Variants in WNT7A observed in about 807,000 individuals in gnomAD.
WNT7A encodes Wnt family member 7A.
In WNT7A, 16 loss-of-function variants were observed where a neutral mutation model predicts 28.2. The ratio of observed to expected loss-of-function variants is 0.57; its 90% confidence interval spans 0.38 to 0.86. WNT7A has a LOEUF of 0.86. WNT7A is among the 40% of genes least tolerant of loss of function. The pLI, the probability that WNT7A is intolerant of heterozygous loss-of-function variation, is 0.00. For synonymous variants in WNT7A, 190 were observed against 195.9 expected (o/e 0.97, Z 0.25); for missense variants, 411 against 489.7 (o/e 0.84, Z 1.52).
intron 3 of WNT7A, among the ~76,000 whole-genome samples, chr3:13,841,175 G>A (rs202034201): frequency 2.6e-4 from 39 of 152,308 alleles, no homozygotes; most frequent in African/African-American, 7.9e-4. Flanking sequence ...AATCTCAGGC[G>A]TCAGTGAATG....
intron 3 of WNT7A, 54 bp downstream of exon 3, chr3:13,854,478 C>G: frequency 1.2e-6 from 2 of 1,612,066 alleles, no homozygotes; most frequent in South Asian, 2.2e-5. Flanking sequence ...TACAAACAAG[C>G]CATTTTGCAG....
At chr3:13,838,838 C>T (rs539389074) in intron 3 of WNT7A, among the ~76,000 whole-genome samples, 161 of 152,350 alleles carry the variant, frequency 1.1e-3, no homozygotes, top group African/African-American at 3.7e-3. Flanking sequence ...GGATTTAGAT[C>T]TGCATCCTCC....
chr3:13,857,082 G>C (rs1351030170), intron 2 of WNT7A, among the ~76,000 whole-genome samples: 2 of 152,118 alleles, frequency 1.3e-5, no homozygotes, highest in Non-Finnish European at 2.9e-5. Flanking sequence ...GGAGCCATGG[G>C]GCACAGGAAC....
At chr3:13,834,839 T>G (rs149092339) in intron 3 of WNT7A, among the ~76,000 whole-genome samples, 1 of 152,346 alleles carries the variant, frequency 6.6e-6, no homozygotes, top group East Asian at 1.9e-4. Context: ...TTAGTTGTGC[T>G]TATCATGTCT....
At chr3:13,842,220 T>G (rs1433435777) in intron 3 of WNT7A, among the ~76,000 whole-genome samples, 1 of 152,146 alleles carries the variant, frequency 6.6e-6, no homozygotes, top group African/African-American at 2.4e-5. Context: ...GTTAGTAGGC[T>G]GGTGTGTTCC....
chr3:13,854,818 G>A lies in WNT7A; in HGVS notation c.299-15C>T, dbSNP rs770164068. 3 of 1,610,988 alleles carry A rather than the reference G, an allele frequency of 1.9e-6. 1 individual carries two copies. Among genetic ancestry groups the A allele is most frequent in the South Asian group, 2.2e-5 (2 of 91,024 alleles). On this transcript the variant is annotated splice_polypyrimidine_tract_variant and intron_variant, in intron 2 of 3. Transcript: ENST00000285018. ...CTCCCGGCTCCCTGCGAGGAGGAGAGAAGAGGAGACAAGTTGGGGTCAGGT... is the reference window on the plus strand; with the variant it reads ...CTCCCGGCTCCCTGCGAGGAGGAGAAAAGAGGAGACAAGTTGGGGTCAGGT...
At chr3:13,835,637 G>A (rs924413683) in intron 3 of WNT7A, among the ~76,000 whole-genome samples, 3 of 152,224 alleles carry the variant, frequency 2.0e-5, no homozygotes, top group African/African-American at 7.2e-5. Flanking sequence ...CCCCAAAGAT[G>A]GTGGACTTCA....
At chr3:13,850,774 G>T (rs1694620751) in intron 3 of WNT7A, among the ~76,000 whole-genome samples, 1 of 152,072 alleles carries the variant, frequency 6.6e-6, no homozygotes, top group South Asian at 2.1e-4. Flanking sequence ...ATATTATCAT[G>T]GAGGCTCGGA....
intron 2 of WNT7A, among the ~76,000 whole-genome samples, chr3:13,868,692 GAAAGAA>G (rs1457779222): frequency 5.0e-5 from 1 of 20,100 alleles, no homozygotes; most frequent in African/African-American, 2.9e-4. Flanking sequence ...GAGAGAGAGA[GAAAGAA>G]AGAAAGAAAG....
intron 3 of WNT7A, among the ~76,000 whole-genome samples, chr3:13,841,029 G>A (rs1441755279): frequency 6.6e-6 from 1 of 152,130 alleles, no homozygotes; most frequent in Non-Finnish European, 1.5e-5. Context: ...TTCAAAAATG[G>A]TATATTATTT....
rs1349034380 is a variant in WNT7A at position 13,868,584 on chromosome 3, GAGAGAGGGAGAA to G, written c.298+6351_298+6362del. ...GGGGAGAGAGAGAGAGAGAGAGAGA[GAGAGAGGGAGAA>G]AGAAAGAAAGAAAGAGAGAGAGAGA... On this transcript the variant is annotated intron_variant, in intron 2 of 3. Transcript: ENST00000285018. 1.7e-4 allele frequency among the ~76,000 whole-genome samples: 3 copies of G among 17,962 alleles called. 1 individual carries two copies. Among genetic ancestry groups the G allele is most frequent in the African/African-American group, 9.4e-4 (3 of 3,192 alleles). The allele number at this position is 17,962 out of a possible 152,430, so 11.8% of individuals were successfully genotyped here. A position where few individuals can be genotyped will look rare whatever the true frequency, so the allele number is the denominator to read the frequency against.
In WNT7A at chr3:13,818,413, G is replaced by A. The variant is rs1575056931; in HGVS notation, c.*531C>T. The A allele has an allele frequency of 7.3e-6, 1 of 136,862 alleles. No homozygotes were observed. The highest frequency in any genetic ancestry group is 2.8e-5 in the African/African-American group (1 of 36,178). The allele number at this position is 136,862 out of a possible 1,614,324, so 8.5% of individuals were successfully genotyped here. On this transcript the variant is annotated 3_prime_UTR_variant, in exon 4 of 4. Coordinates refer to ENST00000285018, the MANE Select transcript of WNT7A (RefSeq NM_004625.4). ...ATATGCATAAAAGATGTCTCCTCTT[G>A]TACTTAAACATCTAGTGCTGCAAGG...
chr3:13,854,377 C>T (rs1164117860), intron 3 of WNT7A, among the ~76,000 whole-genome samples, 155 bp downstream of exon 3: 2 of 152,122 alleles, frequency 1.3e-5, no homozygotes, highest in Non-Finnish European at 2.9e-5. Flanking sequence ...TACACAAATC[C>T]TGACCAGCTA....
In WNT7A at chr3:13,819,460, A is replaced by G. The variant is rs79020924; in HGVS notation, c.571-37T>C. 0.2 allele frequency: 316,158 copies of G among 1,600,396 alleles called. 33,116 individuals are homozygous for G. The highest frequency in any genetic ancestry group is 0.26 in the Middle Eastern group (1,562 of 5,978). On this transcript the variant is annotated intron_variant, in intron 3 of 3. Coordinates refer to ENST00000285018, the MANE Select transcript of WNT7A (RefSeq NM_004625.4). The stretch of plus-strand genomic sequence containing the variant: ...GGCGGGGAAGAGCACAGCACAGGTC[A>G]CTGCACGCCAAGGCCAAGTGCAGCC...
At chr3:13,823,639 T>G (rs1469702844) in intron 3 of WNT7A, among the ~76,000 whole-genome samples, 1 of 152,258 alleles carries the variant, frequency 6.6e-6, no homozygotes, top group African/African-American at 2.4e-5. Flanking sequence ...ACCACTGGGT[T>G]GCAGGTTAAA....
intron 1 of WNT7A, chr3:13,876,953 T>G (rs1695119263): frequency 6.6e-6 from 1 of 152,236 alleles, no homozygotes; most frequent in Non-Finnish European, 1.5e-5. Context: ...GTCTGTGTTT[T>G]TAATTTGCAT....
chr3:13,866,558 A>C (rs187059620), intron 2 of WNT7A, among the ~76,000 whole-genome samples: 1 of 152,314 alleles, frequency 6.6e-6, no homozygotes, highest in East Asian at 1.9e-4. Context: ...GGCAGTGTAC[A>C]CTAGAGAGGG....
At chr3:13,870,849 C>G (rs1575075153) in intron 2 of WNT7A, among the ~76,000 whole-genome samples, 1 of 152,370 alleles carries the variant, frequency 6.6e-6, no homozygotes. Flanking sequence ...GCACCATGCC[C>G]TGGCTCTCCA....
At chr3:13,865,885 T>C (rs558328489) in intron 2 of WNT7A, among the ~76,000 whole-genome samples, 31 of 152,264 alleles carry the variant, frequency 2.0e-4, no homozygotes, top group Middle Eastern at 3.4e-3. Context: ...TAATGTCAGA[T>C]GGGTTCTTGC....
Sources: gnomAD v4.1 joint callset for allele counts (sites outside exome capture counted in the v4.1 genomes callset) on GRCh38, gnomAD v4.1.1 for gene constraint, MANE v1.5 for transcripts, NCBI Gene and HGNC (gene_info 2026-07-23, HGNC 2026-07-21) for gene names.